The following MTFR2 variants were observed in gnomAD, a reference collection of about 807,000 sequenced individuals.
MTFR2 encodes DUF729 domain-containing protein 1.
A neutral mutation model predicts 41.2 loss-of-function variants in MTFR2; 44 were observed. The ratio of observed to expected loss-of-function variants is 1.07; its 90% CI spans 0.84 to 1.37. The LOEUF (loss-of-function observed/expected upper bound fraction) is 1.37, where lower values mean the gene tolerates loss of function less well. MTFR2 is among the 40% of genes most tolerant of loss of function. The pLI, the probability that MTFR2 is intolerant of heterozygous loss-of-function variation, is 0.00. For missense variants in MTFR2, 452 were observed against 459.5 expected, an observed-to-expected ratio of 0.98 and a Z score of 0.15; for synonymous variants, 141 against 154.6, an observed-to-expected ratio of 0.91 and a Z score of 0.65.
rs763441030 is a variant in MTFR2 at position 136,241,491 on chromosome 6, A to C, written c.467T>G (p.Ile156Ser). 1.2e-6 allele frequency: 2 copies of C among 1,614,126 alleles called. No individual in the cohort carries two copies. The highest frequency in any genetic ancestry group is 1.7e-5 in the Admixed American group (1 of 60,012). ...ENELTFLRSQ[I>S]AAIVEMQELK... The stretch of plus-strand genomic sequence containing the variant: ...TTCCTGCATTTCCACAATTGCTGCA[A>C]TCTGAGAGCGAAGAAAAGTCAGCTC... The change falls in exon 5 of 8, where the codon ATT (isoleucine) becomes AGT (serine). Residue 156 changes from isoleucine (I) to serine (S), a missense_variant. Ile to Ser is a moderately radical substitution (Grantham distance 142). Coordinates refer to ENST00000420702, the MANE Select transcript of MTFR2 (RefSeq NM_001099286.3).
At position 136,233,356 on chromosome 6, in the gene MTFR2, GATTCCCAAGATCT is replaced by G. The variant is rs1562206217; in HGVS notation, c.1000_1012del (p.Arg334LeufsTer44). 6.2e-7 allele frequency: 1 copy of G among 1,612,862 alleles called. No homozygotes were observed. The highest frequency in any genetic ancestry group is 1.1e-5 in the South Asian group (1 of 90,938). ...AGTTTCTGGACTAGAAAATGGGGAA[GATTCCCAAGATCT>G]ATTCTCTTTCTCAAAAGAATCATCT... On this transcript the variant is annotated frameshift_variant, in exon 7 of 8. Coordinates refer to ENST00000420702, the MANE Select transcript of MTFR2 (RefSeq NM_001099286.3). LOFTEE classifies it high-confidence loss of function.
In MTFR2 at chr6:136,233,314, G is replaced by C; in HGVS notation, c.1044+11C>G. The C allele has an allele frequency of 1.9e-6, 3 of 1,607,642 alleles. No homozygotes were observed. The highest frequency in any genetic ancestry group is 1.7e-6 in the Non-Finnish European group (2 of 1,175,300). On this transcript the variant is annotated intron_variant, in intron 7 of 7. Transcript: ENST00000420702. ...AAACTGAAAAATTAATTTTACATTA[G>C]TGTAGCTTACCCTTGAAGTTTCTGG...
intron 1 of MTFR2, 56 bp from the exon 2 acceptor site, chr6:136,249,209 T>G: frequency 1.3e-6 from 1 of 749,592 alleles, no homozygotes; most frequent in Non-Finnish European, 2.1e-6. Flanking sequence ...CAAATTGTAC[T>G]ACATAACCTG....
At chr6:136,242,079 CAAAAAAAAAAAAAAAAA>C (rs548176168) in intron 4 of MTFR2, among the ~76,000 whole-genome samples, 3 of 17,500 alleles carry the variant, frequency 1.7e-4, no homozygotes, top group Non-Finnish European at 5.5e-4. Flanking sequence ...GACTCTGTCT[CAAAAAAAAAAAAAAAAA>C]AAAAAAAAAA....
At position 136,247,449 on chromosome 6, in the gene MTFR2, T is replaced by C. The variant is rs1050326169; in HGVS notation, c.63+1588A>G. On this transcript the variant is annotated intron_variant, in intron 2 of 7. Transcript: ENST00000420702. ...TCCAAGACTTATTTAATTAGATCCC[T>C]TGCCCAACTACCTTCTCAAAGGCGG... 6.2e-5 allele frequency: 28 copies of C among 452,980 alleles called. 1 individual carries two copies. The highest frequency in any genetic ancestry group is 1.2e-4 in the Non-Finnish European group (28 of 226,048). 28.1% of individuals were successfully genotyped at this position (452,980 alleles called of 1,614,324 possible). A position where few individuals can be genotyped will look rare whatever the true frequency, so the allele number is the denominator to read the frequency against.
intron 6 of MTFR2, among the ~76,000 whole-genome samples, chr6:136,237,168 A>G (rs531481008): frequency 2.0e-4 from 31 of 152,214 alleles, no homozygotes; most frequent in Non-Finnish European, 4.0e-4. Context: ...CCTGTAGCCC[A>G]AAAGAAAAGA....
intron 6 of MTFR2, among the ~76,000 whole-genome samples, chr6:136,235,667 C>T (rs191141818): frequency 6.6e-6 from 1 of 152,342 alleles, no homozygotes; most frequent in Non-Finnish European, 1.5e-5. Flanking sequence ...GGCGCAGTGG[C>T]TCATGCCTGT....
At chr6:136,245,699 T>C (rs932862778) in intron 2 of MTFR2, among the ~76,000 whole-genome samples, 2 of 152,208 alleles carry the variant, frequency 1.3e-5, no homozygotes, top group Non-Finnish European at 1.5e-5. Flanking sequence ...TGCGTTTTGA[T>C]TGTGACCCAT....
At chr6:136,246,802 C>G (rs948107845) in intron 2 of MTFR2, among the ~76,000 whole-genome samples, 5 of 152,264 alleles carry the variant, frequency 3.3e-5, no homozygotes, top group African/African-American at 1.2e-4. Flanking sequence ...AAAAAAATCA[C>G]AAAACGACAA....
Position 136,242,871 on chromosome 6 carries a change from G to A in MTFR2, c.271C>T (p.Leu91Phe). Residue 91 changes from leucine to phenylalanine, a missense_variant, in exon 4 of 8, where the codon CTC (leucine) becomes TTC (phenylalanine). Transcript: ENST00000420702. Reference protein sequence around the residue: ...YVANDEEASYLRFRNSIWKNE... With the variant: ...YVANDEEASYFRFRNSIWKNE... ...AGCATATAAAATTACCGAAATCTGAGATAACTGGCTTCTTCATCATTTGCC... is the reference window on the plus strand; with the variant it reads ...AGCATATAAAATTACCGAAATCTGAAATAACTGGCTTCTTCATCATTTGCC... The A allele has an allele frequency of 6.2e-7, 1 of 1,609,568 alleles. No individual in the cohort carries two copies. The highest frequency in any genetic ancestry group is 8.5e-7 in the Non-Finnish European group (1 of 1,178,588).
chr6:136,238,933 T>G (rs949155493), intron 6 of MTFR2, among the ~76,000 whole-genome samples: 1 of 152,014 alleles, frequency 6.6e-6, no homozygotes, highest in African/African-American at 2.4e-5. Context: ...CCAGGCATGG[T>G]GGCACATGCC....
intron 7 of MTFR2, 150 bp downstream of exon 7, chr6:136,233,174 CA>C: frequency 2.9e-5 from 16 of 560,174 alleles, no homozygotes; most frequent in South Asian, 4.0e-5. Flanking sequence ...AAATTAACAA[CA>C]AAAAAACCCC....
intron 6 of MTFR2, among the ~76,000 whole-genome samples, chr6:136,237,362 A>G (rs997823548): frequency 3.9e-5 from 6 of 152,232 alleles, no homozygotes; most frequent in Non-Finnish European, 8.8e-5. Flanking sequence ...GATCAAAGCT[A>G]AAAGGAAAAA....
At chr6:136,244,632 G>T in intron 3 of MTFR2, 133 bp downstream of exon 3, 1 of 638,386 alleles carries the variant, frequency 1.6e-6, no homozygotes, top group Admixed American at 3.4e-5. Flanking sequence ...GAAATGGCTT[G>T]TTCCCAAGGG....
rs1780331234 is a variant in MTFR2, at chr6:136,250,233, G to A, written c.-312C>T. 2 of 152,812 alleles carry A rather than the reference G, an allele frequency of 1.3e-5. No homozygotes were observed. Among genetic ancestry groups the A allele is most frequent in the Admixed American group, 6.5e-5 (1 of 15,268 alleles). 9.5% of individuals were successfully genotyped at this position (152,812 alleles called of 1,614,324 possible). ...GCCAGGGTAATGTTATGGGAAGCGC[G>A]CCCCCGTCCTCCTGCGCCCAACCAA... On this transcript the variant is annotated 5_prime_UTR_variant, in exon 1 of 8. Transcript: ENST00000420702.
intron 1 of MTFR2, 43 bp from the exon 2 acceptor site, chr6:136,249,196 T>C: frequency 1.1e-6 from 1 of 906,436 alleles, no homozygotes; most frequent in Non-Finnish European, 1.6e-6. Flanking sequence ...GACAAATAAA[T>C]GCCAAATTGT....
intron 5 of MTFR2, among the ~76,000 whole-genome samples, chr6:136,240,966 C>T (rs1176858677): frequency 6.6e-6 from 1 of 152,090 alleles, no homozygotes; most frequent in Non-Finnish European, 1.5e-5. Context: ...TGGCGGGCGC[C>T]TGTAGTCCCA....
chr6:136,244,585 A>G (rs948300178), intron 3 of MTFR2, among the ~76,000 whole-genome samples, 180 bp downstream of exon 3: 2 of 152,194 alleles, frequency 1.3e-5, no homozygotes, highest in Non-Finnish European at 2.9e-5. Flanking sequence ...ACGATGCATG[A>G]TTGTATTTAA....
chr6:136,239,425 T>C, intron 6 of MTFR2, 41 bp downstream of exon 6: 1 of 1,469,664 alleles, frequency 6.8e-7, no homozygotes, highest in South Asian at 1.4e-5. Context: ...AACATAAAAT[T>C]GACAAAATTT....
Sources: allele counts gnomAD v4.1 joint callset (sites outside exome capture counted in the v4.1 genomes callset), GRCh38; gene constraint gnomAD v4.1.1; transcripts MANE v1.5; gene names NCBI Gene and HGNC (gene_info 2026-07-23, HGNC 2026-07-21).